The following TENM4 variants were observed in gnomAD, a reference collection of about 807,000 sequenced individuals.
TENM4 encodes teneurin-4.
Under a neutral mutation model 243.3 loss-of-function variants are expected in TENM4, and 82 were observed. The ratio of observed to expected loss-of-function variants is 0.34; its 90% CI spans 0.28 to 0.40. The LOEUF (loss-of-function observed/expected upper bound fraction) is 0.40. TENM4 is among the 10% of genes least tolerant of loss of function. The pLI, the probability that TENM4 is intolerant of heterozygous loss-of-function variation, is 1.00. For synonymous variants in TENM4, 1,412 were observed against 1,456.3 expected, an observed-to-expected ratio of 0.97 and a Z score of 0.69; for missense variants, 3,138 against 3,673.3, an observed-to-expected ratio of 0.85 and a Z score of 3.77.
intron 19 of TENM4, chr11:78,749,266 A>G (rs1358115227): frequency 6.6e-6 from 1 of 152,092 alleles, no homozygotes; most frequent in Admixed American, 6.5e-5. Context: ...AAAAACCAAC[A>G]TGAATAATAT....
At chr11:79,421,793 A>T (rs1858937567) in intron 1 of TENM4, among the ~76,000 whole-genome samples, 1 of 152,056 alleles carries the variant, frequency 6.6e-6, no homozygotes. Context: ...TCAAACCAGG[A>T]TGTCTATTTC....
intron 4 of TENM4, among the ~76,000 whole-genome samples, chr11:79,100,320 A>G (rs940865218): frequency 6.6e-6 from 1 of 151,964 alleles, no homozygotes; most frequent in Non-Finnish European, 1.5e-5. Flanking sequence ...TACAGGTGTG[A>G]GTACCCAAAG....
chr11:78,846,832 G>A (rs1330570016), intron 12 of TENM4, among the ~76,000 whole-genome samples: 1 of 152,202 alleles, frequency 6.6e-6, no homozygotes, highest in Non-Finnish European at 1.5e-5. Context: ...GATGAAGTCT[G>A]TGGCAGACAC....
chr11:78,748,686 C>T (rs1856111306), intron 19 of TENM4, among the ~76,000 whole-genome samples: 1 of 152,170 alleles, frequency 6.6e-6, no homozygotes, highest in Admixed American at 6.5e-5. Context: ...TTCTCAGTAG[C>T]TCAGTTTTCA....
At chr11:78,756,100 A>C (rs1019400741) in intron 19 of TENM4, 7 of 152,394 alleles carry the variant, frequency 4.6e-5, no homozygotes. Context: ...TTCCTTGCCT[A>C]GTTAACCGTC....
intron 6 of TENM4, among the ~76,000 whole-genome samples, chr11:78,912,377 C>T (rs368867269): frequency 5.3e-5 from 8 of 152,198 alleles, no homozygotes; most frequent in African/African-American, 1.4e-4. Flanking sequence ...GCCTCAGCCT[C>T]CCGAGTAGTT....
intron 6 of TENM4, among the ~76,000 whole-genome samples, chr11:79,013,392 C>T (rs1858698402): frequency 6.6e-6 from 1 of 152,218 alleles, no homozygotes; most frequent in Admixed American, 6.5e-5. Flanking sequence ...CCCCTTAAGT[C>T]TTTCTATGCT....
chr11:79,212,405 G>T (rs1863971307), intron 3 of TENM4, among the ~76,000 whole-genome samples: 1 of 152,176 alleles, frequency 6.6e-6, no homozygotes, highest in African/African-American at 2.4e-5. Flanking sequence ...GTGGTCCTGA[G>T]AATCTCTTTT....
At chr11:78,746,869 TA>T (rs1308146915) in intron 19 of TENM4, among the ~76,000 whole-genome samples, 1 of 152,218 alleles carries the variant, frequency 6.6e-6, no homozygotes, top group African/African-American at 2.4e-5. Flanking sequence ...GCAGCTCTGC[TA>T]AAATGTGACT....
intron 2 of TENM4, among the ~76,000 whole-genome samples, chr11:79,227,043 T>A (rs601412): frequency 4.6e-5 from 7 of 152,176 alleles, no homozygotes; most frequent in African/African-American, 9.7e-5. Context: ...GGCTTCCGGG[T>A]AGGTTGGGCT....
intron 6 of TENM4, among the ~76,000 whole-genome samples, chr11:79,058,189 G>C (rs909984714): frequency 7.2e-5 from 11 of 152,042 alleles, no homozygotes; most frequent in African/African-American, 2.7e-4. Flanking sequence ...TATATTTTTT[G>C]GGTTGAGCTA....
chr11:78,997,243 T>C (rs923596917), intron 6 of TENM4, among the ~76,000 whole-genome samples: 3 of 152,188 alleles, frequency 2.0e-5, no homozygotes, highest in Non-Finnish European at 4.4e-5. Flanking sequence ...CAGTCCAGCG[T>C]GTTCTCTCCA....
chr11:79,219,554 T>A (rs927940670), intron 2 of TENM4, among the ~76,000 whole-genome samples: 5 of 152,178 alleles, frequency 3.3e-5, no homozygotes, highest in Admixed American at 6.5e-5. Context: ...GCAAGCATTA[T>A]CCTTCCAGAC....
rs756158116 is a variant in TENM4 at position 78,771,050 on chromosome 11, T to G, written c.2481A>C (p.Gly827=). The G allele has an allele frequency of 1.5e-5, 23 of 1,580,996 alleles. No homozygotes were observed. The highest frequency in any genetic ancestry group is 2.0e-5 in the Non-Finnish European group (23 of 1,163,508). ...TCTCCATGGAAGTGTCACAGCCAGC[T>G]CCTCTCCAGCCCAGCTGGCAGACGC... ...WHCVCQLGWR[G]AGCDTSMETA... Residue 827 remains glycine (G), a synonymous_variant, in exon 18 of 34, where the codon GGA becomes GGC. Coordinates refer to ENST00000278550, the MANE Select transcript of TENM4 (RefSeq NM_001098816.3).
chr11:78,952,253 C>T (rs533226775), intron 6 of TENM4, among the ~76,000 whole-genome samples: 1 of 152,314 alleles, frequency 6.6e-6, no homozygotes, highest in East Asian at 1.9e-4. Flanking sequence ...ATTAGTGAGG[C>T]TTTGGTCTTT....
chr11:78,931,368 T>C (rs1462510351), intron 6 of TENM4, among the ~76,000 whole-genome samples: 1 of 151,812 alleles, frequency 6.6e-6, no homozygotes, highest in African/African-American at 2.4e-5. Context: ...AAGAAGGGAG[T>C]TGGCTGGGCC....
At chr11:79,370,050 G>A (rs1268428929) in intron 1 of TENM4, among the ~76,000 whole-genome samples, 2 of 152,168 alleles carry the variant, frequency 1.3e-5, no homozygotes, top group Non-Finnish European at 2.9e-5. Flanking sequence ...TAAGAAAAAG[G>A]GTGACATTCA....
At chr11:79,001,027 T>C (rs116726837) in intron 6 of TENM4, among the ~76,000 whole-genome samples, 3,329 of 152,190 alleles carry the variant, frequency 0.022, 136 homozygotes, top group African/African-American at 0.076. Flanking sequence ...TGAGACTCCA[T>C]CTCAAAAAAA....
At chr11:78,880,684 C>T (rs917001833) in intron 9 of TENM4, among the ~76,000 whole-genome samples, 5 of 152,226 alleles carry the variant, frequency 3.3e-5, no homozygotes, top group South Asian at 2.1e-4. Flanking sequence ...CACAGAAAAC[C>T]GCAGAATGTT....
Sources: allele counts gnomAD v4.1 joint callset (sites outside exome capture counted in the v4.1 genomes callset), GRCh38; gene constraint gnomAD v4.1.1; transcripts MANE v1.5; gene names NCBI Gene and HGNC (gene_info 2026-07-23, HGNC 2026-07-21).